LHX8: variants seen among roughly 807,000 people sequenced by gnomAD.
LHX8 encodes LIM/homeobox protein Lhx8.
A neutral mutation model predicts 40.3 loss-of-function variants in LHX8; 12 were observed. The ratio of observed to expected loss-of-function variants is 0.30; its 90% CI spans 0.19 to 0.48. LHX8 has a LOEUF of 0.48. LHX8 is among the 20% of genes least tolerant of loss of function. The pLI is 0.99. For synonymous variants in LHX8, 179 were observed against 162.0 expected (o/e 1.10, Z -0.80); for missense variants, 344 against 433.7 (o/e 0.79, Z 1.84).
the LHX8 span, among the ~76,000 whole-genome samples, chr1:75,192,090 G>A: frequency 6.6e-6 from 1 of 152,174 alleles, no homozygotes; most frequent in African/African-American, 2.4e-5. Flanking sequence ...ATAAAATGGA[G>A]AATATCACTA....
intron 7 of LHX8, among the ~76,000 whole-genome samples, chr1:75,150,626 G>A (rs1184984717): frequency 6.6e-6 from 1 of 151,948 alleles, no homozygotes; most frequent in Admixed American, 6.6e-5. Flanking sequence ...GAACGAGATG[G>A]CCAGCTGTGT....
At chr1:75,187,970 G>A in the LHX8 span, among the ~76,000 whole-genome samples, 14 of 152,128 alleles carry the variant, frequency 9.2e-5, no homozygotes, top group Non-Finnish European at 1.6e-4. Context: ...CCAGCCCCAG[G>A]GAAGGTGAGC....
intron 6 of LHX8, 36 bp downstream of exon 6, chr1:75,143,984 C>T (rs1648393241): frequency 1.3e-6 from 2 of 1,555,354 alleles, no homozygotes; most frequent in African/African-American, 1.4e-5. Context: ...TTTTGAAGCC[C>T]CTCCCAACCA....
At chr1:75,139,302 A>G (rs929975312) in intron 3 of LHX8, among the ~76,000 whole-genome samples, 3 of 152,086 alleles carry the variant, frequency 2.0e-5, no homozygotes, top group African/African-American at 7.2e-5. Context: ...TCCTCTCTTC[A>G]CCTTACTTTA....
the LHX8 span, among the ~76,000 whole-genome samples, chr1:75,176,111 G>T: frequency 5.3e-5 from 8 of 152,276 alleles, no homozygotes; most frequent in African/African-American, 1.7e-4. Context: ...TTGCTATTGT[G>T]AATAGTGCCA....
the LHX8 span, among the ~76,000 whole-genome samples, chr1:75,194,107 CAAAT>C: frequency 6.6e-6 from 1 of 152,250 alleles, no homozygotes; most frequent in South Asian, 2.1e-4. Context: ...AAATATGAAA[CAAAT>C]AAAAAACAGT....
Position 75,143,947 on chromosome 1 carries a change from A to G in LHX8, c.683A>G (p.Gln228Arg). The G allele has an allele frequency of 6.2e-7, 1 of 1,612,380 alleles. No individual in the cohort carries two copies. Residue 228 changes from glutamine to arginine, a missense_variant and splice_region_variant, in exon 6 of 9, where the codon CAG becomes CGG. Around this residue, in one of 3 missense-constraint regions of LHX8, gnomAD observed 147 missense variants for 250.8 expected, o/e 0.59. Transcript: ENST00000356261. ...ACCAGCTTTACAGCAGATCAGCTTCAGGTAAGCATAACAATGAATTTTTTA... is the reference window on the plus strand; with the variant it reads ...ACCAGCTTTACAGCAGATCAGCTTCGGGTAAGCATAACAATGAATTTTTTA... The part of the protein sequence containing the change: ...ARTSFTADQL[Q>R]VMQAQFAQDN...
At chr1:75,151,948 T>C (rs1311776474) in intron 7 of LHX8, among the ~76,000 whole-genome samples, 2 of 152,202 alleles carry the variant, frequency 1.3e-5, no homozygotes, top group African/African-American at 4.8e-5. Context: ...ATATTTTGAA[T>C]GTTGGCTTTC....
the LHX8 span, among the ~76,000 whole-genome samples, chr1:75,190,731 G>A: frequency 6.6e-6 from 1 of 152,140 alleles, no homozygotes; most frequent in Admixed American, 6.5e-5. Flanking sequence ...ACATACATCT[G>A]TATATTCTGG....
chr1:75,163,876 A>C (rs1648979394), downstream of LHX8, among the ~76,000 whole-genome samples: 1 of 152,196 alleles, frequency 6.6e-6, no homozygotes, highest in South Asian at 2.1e-4. Flanking sequence ...CCCTTATAAA[A>C]GAGACCTAAG....
downstream of LHX8, among the ~76,000 whole-genome samples, chr1:75,165,602 GAAAT>G (rs908004838): frequency 1.3e-5 from 2 of 152,066 alleles, no homozygotes; most frequent in Non-Finnish European, 2.9e-5. Flanking sequence ...AAGATGTTAA[GAAAT>G]AAAGAATAGA....
At chr1:75,191,688 G>T in the LHX8 span, among the ~76,000 whole-genome samples, 1 of 152,210 alleles carries the variant, frequency 6.6e-6, no homozygotes, top group Non-Finnish European at 1.5e-5. Context: ...ACTAAAACAT[G>T]TTAGAGGCAA....
At chr1:75,190,474 AT>A in the LHX8 span, among the ~76,000 whole-genome samples, 3 of 152,236 alleles carry the variant, frequency 2.0e-5, no homozygotes, top group East Asian at 5.8e-4. Context: ...CAAGCTTGAC[AT>A]TTGTGTCCCA....
downstream of LHX8, among the ~76,000 whole-genome samples, chr1:75,165,619 G>C (rs1311621365): frequency 1.3e-5 from 2 of 152,038 alleles, no homozygotes; most frequent in African/African-American, 2.4e-5. Context: ...AGAATAGAAG[G>C]GGTCCTGGGG....
chr1:75,190,906 G>A, the LHX8 span, among the ~76,000 whole-genome samples: 2 of 152,064 alleles, frequency 1.3e-5, no homozygotes, highest in African/African-American at 2.4e-5. Context: ...TGTTCAAAGA[G>A]TTTGAGTTTA....
chr1:75,143,036 T>A, intron 4 of LHX8, 82 bp from the exon 5 acceptor site: 1 of 1,032,180 alleles, frequency 9.7e-7, no homozygotes, highest in Non-Finnish European at 1.5e-6. Context: ...TGGGGTAAGA[T>A]AATGTGCTGG....
intron 1 of LHX8, among the ~76,000 whole-genome samples, chr1:75,136,300 T>C (rs1369637339): frequency 6.6e-6 from 1 of 151,918 alleles, no homozygotes; most frequent in African/African-American, 2.4e-5. Flanking sequence ...TGATTGTTAT[T>C]AACTTGTTAT....
chr1:75,140,009 A>G (rs913773963), intron 3 of LHX8, among the ~76,000 whole-genome samples: 4 of 152,110 alleles, frequency 2.6e-5, no homozygotes, highest in African/African-American at 7.3e-5. Context: ...TCAATTAAGC[A>G]TAAATCAGGT....
the LHX8 span, among the ~76,000 whole-genome samples, chr1:75,196,411 G>A: frequency 6.6e-6 from 1 of 152,206 alleles, no homozygotes; most frequent in African/African-American, 2.4e-5. Flanking sequence ...TCAATTCCCT[G>A]GAGCTTGAAA....
Sources: gnomAD v4.1 joint callset for allele counts (sites outside exome capture counted in the v4.1 genomes callset) on GRCh38, gnomAD v4.1.1 for gene constraint, gnomAD v4.1.1 regional missense constraint, MANE v1.5 for transcripts, NCBI Gene and HGNC (gene_info 2026-07-23, HGNC 2026-07-21) for gene names.